Variants in LAMA4 observed in about 807,000 individuals in gnomAD.
LAMA4 encodes laminin subunit alpha 4, also known as laminin subunit alpha-4.
Under a neutral mutation model 207.1 loss-of-function variants are expected in LAMA4, and 127 were observed. That is an observed-to-expected ratio of 0.61 (90% CI 0.53 to 0.71). The LOEUF is 0.71. Among genes scored for constraint, LAMA4 ranks in the 30% least tolerant of loss-of-function variants. The pLI, the probability that LAMA4 is intolerant of heterozygous loss-of-function variation, is 0.00. For synonymous variants in LAMA4, 761 were observed against 816.0 expected (o/e 0.93, Z 1.15); for missense variants, 2,093 against 2,246.5 (o/e 0.93, Z 1.38).
chr6:112,156,349 C>T (rs1415643548), intron 14 of LAMA4, among the ~76,000 whole-genome samples: 1 of 152,160 alleles, frequency 6.6e-6, no homozygotes, highest in Admixed American at 6.5e-5. Flanking sequence ...CACTTGCACA[C>T]AGGGGCTAAT....
chr6:112,189,240 C>G, intron 6 of LAMA4, 35 bp from the exon 7 acceptor site: 1 of 1,412,896 alleles, frequency 7.1e-7, no homozygotes, highest in Non-Finnish European at 1.0e-6. Flanking sequence ...GAGAAATGCA[C>G]TTCTTAATGC....
intron 6 of LAMA4, among the ~76,000 whole-genome samples, chr6:112,190,927 CTTT>C (rs1410224880): frequency 0.012 from 1,110 of 92,336 alleles, 5 homozygotes; most frequent in Middle Eastern, 0.035. Context: ...TTCTTTCTTT[CTTT>C]CTTTCTTTCT....
At chr6:112,226,905 A>T (rs1785245170) in intron 2 of LAMA4, among the ~76,000 whole-genome samples, 1 of 152,188 alleles carries the variant, frequency 6.6e-6, no homozygotes, top group South Asian at 2.1e-4. Flanking sequence ...AAATAATATG[A>T]TGTAATAATA....
intron 5 of LAMA4, among the ~76,000 whole-genome samples, chr6:112,195,895 T>A (rs1783386499): frequency 6.6e-6 from 1 of 151,900 alleles, no homozygotes; most frequent in Non-Finnish European, 1.5e-5. Flanking sequence ...AGTCACTTCA[T>A]GGCTCAGAGT....
chr6:112,138,805 T>C (rs1403880378), intron 24 of LAMA4, among the ~76,000 whole-genome samples: 3 of 152,178 alleles, frequency 2.0e-5, no homozygotes, highest in Non-Finnish European at 2.9e-5. Flanking sequence ...GATTAGGGCA[T>C]ATGGTTTGGA....
At chr6:112,157,949 A>C (rs1780818690) in intron 14 of LAMA4, 1 of 152,200 alleles carries the variant, frequency 6.6e-6, no homozygotes, top group African/African-American at 2.4e-5. Flanking sequence ...AAATTTTGGC[A>C]ATCAAGAATA....
chr6:112,185,296 T>G lies in LAMA4; in HGVS notation c.1018A>C (p.Asn340His), dbSNP rs782558801. Residue 340 changes from asparagine (N) to histidine (H), a missense_variant, in exon 9 of 39, where the codon AAC becomes CAC. By Grantham distance (68) the Asn-to-His change is moderately conservative (BLOSUM62 1). Around this residue, in one of 3 missense-constraint regions of LAMA4, gnomAD observed 1,704 missense variants for 1,788.4 expected, o/e 0.95. Coordinates refer to ENST00000230538, the MANE Select transcript of LAMA4 (RefSeq NM_001105206.3). ...NQYALRKIQINNAENTMKSLL... is the reference protein window; with the variant it reads ...NQYALRKIQIHNAENTMKSLL... The stretch of plus-strand genomic sequence containing the variant: ...CTTTTCATCGTGTTCTCAGCATTGT[T>G]GATTTGTATCTTTCTTAGGGCGTAT... 2.5e-6 allele frequency: 4 copies of G among 1,613,742 alleles called. No homozygotes were observed. In the African/African-American group the frequency reaches 5.3e-5, roughly 22 times the overall value.
At chr6:112,180,465 A>G (rs1421402457) in intron 9 of LAMA4, among the ~76,000 whole-genome samples, 1 of 152,224 alleles carries the variant, frequency 6.6e-6, no homozygotes, top group Non-Finnish European at 1.5e-5. Flanking sequence ...CTGTGGAAGG[A>G]AAATAATGAT....
At position 112,253,994 on chromosome 6, in the gene LAMA4, G is replaced by T. The variant is rs782656592; in HGVS notation, c.157C>A (p.Pro53Thr). Reference sequence around the variant, plus strand: ...GGCAGGCGTCCCAGAGCCACGCGGGGTTCGCTCGTCTCAGGCGGGTCTTGC... The same window carrying T: ...GGCAGGCGTCCCAGAGCCACGCGGGTTTCGCTCGTCTCAGGCGGGTCTTGC... ...GRQDPPETSE[P>T]RVALGRLPPA... The change falls in exon 2 of 39, where the codon CCC (proline) becomes ACC (threonine). Residue 53 changes from proline to threonine, a missense_variant. By Grantham distance (38) the Pro-to-Thr change is conservative. Coordinates refer to ENST00000230538, the MANE Select transcript of LAMA4 (RefSeq NM_001105206.3). The T allele has an allele frequency of 8.2e-6, 13 of 1,586,332 alleles. No individual in the cohort carries two copies. Among genetic ancestry groups the T allele is most frequent in the Non-Finnish European group, 1.1e-5 (13 of 1,165,898 alleles).
At chr6:112,163,015 A>G (rs925009665) in intron 13 of LAMA4, among the ~76,000 whole-genome samples, 1 of 129,220 alleles carries the variant, frequency 7.7e-6, no homozygotes, top group African/African-American at 3.0e-5. Flanking sequence ...CTTGTCACCC[A>G]GGCTGGAGTG....
At chr6:112,220,077 G>A (rs1784840118) in intron 2 of LAMA4, among the ~76,000 whole-genome samples, 1 of 151,958 alleles carries the variant, frequency 6.6e-6, no homozygotes, top group South Asian at 2.1e-4. Flanking sequence ...TTAAATCCCA[G>A]AAAAAAATCT....
chr6:112,168,405 G>A (rs1056623139), intron 12 of LAMA4, among the ~76,000 whole-genome samples: 1 of 143,822 alleles, frequency 7.0e-6, no homozygotes, highest in East Asian at 2.1e-4. Context: ...GAGTGCAATG[G>A]CACAATCTTA....
intron 11 of LAMA4, among the ~76,000 whole-genome samples, chr6:112,173,662 C>T (rs1562693417): frequency 6.6e-6 from 1 of 152,168 alleles, no homozygotes; most frequent in Non-Finnish European, 1.5e-5. Context: ...TGAGATTCTT[C>T]TTTGGTTCTT....
chr6:112,221,087 C>A (rs977941675), intron 2 of LAMA4, among the ~76,000 whole-genome samples: 1 of 152,088 alleles, frequency 6.6e-6, no homozygotes, highest in Non-Finnish European at 1.5e-5. Flanking sequence ...TTTAAACAAA[C>A]CAACAATGGC....
chr6:112,171,144 C>T (rs1781684371), intron 12 of LAMA4, among the ~76,000 whole-genome samples: 1 of 152,036 alleles, frequency 6.6e-6, no homozygotes, highest in South Asian at 2.1e-4. Context: ...GTGATGAAAC[C>T]ACACCTTACT....
chr6:112,231,515 C>T (rs1209193563), intron 2 of LAMA4, among the ~76,000 whole-genome samples: 2 of 152,126 alleles, frequency 1.3e-5, no homozygotes, highest in African/African-American at 4.8e-5. Flanking sequence ...AAATAGACCA[C>T]GAAGCAAATA....
intron 2 of LAMA4, among the ~76,000 whole-genome samples, chr6:112,227,319 T>C (rs549511272): frequency 6.6e-6 from 1 of 152,232 alleles, no homozygotes; most frequent in African/African-American, 2.4e-5. Context: ...TCCACCCGCC[T>C]CGGCCTCCCA....
intron 2 of LAMA4, among the ~76,000 whole-genome samples, chr6:112,224,413 A>G (rs1785090192): frequency 6.6e-6 from 1 of 152,130 alleles, no homozygotes; most frequent in Non-Finnish European, 1.5e-5. Context: ...ACTTAATCGC[A>G]CTGGCTCTGC....
At chr6:112,241,135 A>ATATTCATATATAT (rs1195523269) in intron 2 of LAMA4, among the ~76,000 whole-genome samples, 2 of 102,558 alleles carry the variant, frequency 2.0e-5, no homozygotes, top group African/African-American at 6.8e-5. Context: ...ATGAATATAT[A>ATATTCATATATAT]GGAATATATA....
Sources: gnomAD v4.1 joint callset for allele counts (sites outside exome capture counted in the v4.1 genomes callset) on GRCh38, gnomAD v4.1.1 for gene constraint, gnomAD v4.1.1 regional missense constraint, MANE v1.5 for transcripts, NCBI Gene and HGNC (gene_info 2026-07-23, HGNC 2026-07-21) for gene names.